The following MSRA variants were observed in gnomAD, a reference collection of about 807,000 sequenced individuals.
The protein encoded by MSRA is mitochondrial peptide methionine sulfoxide reductase.
MSRA carries 54 observed loss-of-function variants against 31.3 expected under a neutral mutation model. The observed-to-expected ratio is 1.73, with a 90% confidence interval of 1.39 to 2.17. The LOEUF (loss-of-function observed/expected upper bound fraction) is 2.17, where lower values mean the gene tolerates loss of function less well. Among genes scored for constraint, MSRA ranks in the 30% most tolerant of loss-of-function variants. The pLI is 0.00. For missense variants in MSRA, 507 were observed against 300.9 expected, an observed-to-expected ratio of 1.69 and a Z score of -5.07; for synonymous variants, 169 against 116.5, an observed-to-expected ratio of 1.45 and a Z score of -2.90.
At chr8:10,056,386 C>G (rs867643889) in intron 1 of MSRA, among the ~76,000 whole-genome samples, 2 of 152,002 alleles carry the variant, frequency 1.3e-5, no homozygotes, top group African/African-American at 4.8e-5. Flanking sequence ...AGAAATGAGC[C>G]AACAATTTTT....
At chr8:10,282,602 AC>A (rs1799680986) in intron 3 of MSRA, among the ~76,000 whole-genome samples, 1 of 152,180 alleles carries the variant, frequency 6.6e-6, no homozygotes, top group Non-Finnish European at 1.5e-5. Context: ...ATGCAAAGAT[AC>A]CATTACCTTC....
intron 5 of MSRA, among the ~76,000 whole-genome samples, chr8:10,371,120 T>C (rs1805450439): frequency 6.6e-6 from 1 of 152,194 alleles, no homozygotes; most frequent in Admixed American, 6.5e-5. Flanking sequence ...GAGCTCTCAG[T>C]GTCATGATAG....
At chr8:10,143,589 T>TC (rs1184985305) in intron 1 of MSRA, among the ~76,000 whole-genome samples, 6 of 152,168 alleles carry the variant, frequency 3.9e-5, no homozygotes, top group Non-Finnish European at 7.3e-5. Flanking sequence ...CCCGGGTCGC[T>TC]CCCTGTCATT....
intron 1 of MSRA, among the ~76,000 whole-genome samples, chr8:10,108,554 C>T (rs1234542804): frequency 6.6e-6 from 1 of 152,188 alleles, no homozygotes; most frequent in Non-Finnish European, 1.5e-5. Context: ...ACCCCATCCT[C>T]AGAAAGTTAA....
At chr8:10,068,220 A>G (rs1797559481) in intron 1 of MSRA, among the ~76,000 whole-genome samples, 1 of 151,768 alleles carries the variant, frequency 6.6e-6, no homozygotes, top group Non-Finnish European at 1.5e-5. Flanking sequence ...TATATTTTGG[A>G]TATCCTTTAT....
intron 1 of MSRA, among the ~76,000 whole-genome samples, chr8:10,199,929 G>A (rs984725705): frequency 6.6e-6 from 1 of 152,116 alleles, no homozygotes; most frequent in Admixed American, 6.6e-5. Context: ...GAGTGAACAT[G>A]AGCCAAAGGA....
intron 2 of MSRA, among the ~76,000 whole-genome samples, chr8:10,215,357 C>T (rs1184073169): frequency 6.6e-6 from 1 of 152,200 alleles, no homozygotes; most frequent in African/African-American, 2.4e-5. Context: ...GACAAGAAAA[C>T]TGTTTGCCAC....
rs980720740 is a variant in MSRA at position 10,054,390 on chromosome 8, C to A, written c.-127C>A. 2.2e-5 allele frequency: 14 copies of A among 641,024 alleles called. No homozygotes were observed. In the Admixed American group the frequency reaches 3.8e-4, roughly 17 times the overall value. 39.7% of individuals were successfully genotyped at this position (641,024 alleles called of 1,614,324 possible). ...CTCCAGCCCCGCCAGCAGCGCCCCGCGCCCGCCCGCCCGCGCCCCTGCCGC... is the reference window on the plus strand; with the variant it reads ...CTCCAGCCCCGCCAGCAGCGCCCCGAGCCCGCCCGCCCGCGCCCCTGCCGC... On this transcript the variant is annotated 5_prime_UTR_variant, in exon 1 of 6. Coordinates refer to ENST00000317173, the MANE Select transcript of MSRA (RefSeq NM_012331.5).
In MSRA at chr8:10,094,266, A is replaced by G. The variant is rs147162582; in HGVS notation, c.142+39608A>G. Among the ~76,000 whole-genome samples the G allele has an allele frequency of 4.0e-3, 606 of 152,286 alleles. 2 individuals carry two copies. Among genetic ancestry groups the G allele is most frequent in the Admixed American group, 9.1e-3 (139 of 15,278 alleles). On this transcript the variant is annotated intron_variant, in intron 1 of 5. Transcript: ENST00000317173. ...GTTATATTACTTAATAGAATTTCAG[A>G]TTGATATTTATGTGATCCGTTCCCA... is the stretch of plus-strand genomic sequence containing the variant.
intron 2 of MSRA, 118 bp downstream of exon 2, chr8:10,208,019 G>A: frequency 1.4e-6 from 1 of 703,726 alleles, no homozygotes; most frequent in South Asian, 2.2e-5. Context: ...ATATTTACAA[G>A]TTGTTACAGC....
intron 1 of MSRA, among the ~76,000 whole-genome samples, chr8:10,120,496 A>T (rs1801030012): frequency 6.6e-6 from 1 of 152,194 alleles, no homozygotes; most frequent in African/African-American, 2.4e-5. Flanking sequence ...GTCACTTCCA[A>T]AATACTAAGC....
intron 1 of MSRA, among the ~76,000 whole-genome samples, chr8:10,109,039 G>C (rs868622047): frequency 6.6e-6 from 1 of 152,196 alleles, no homozygotes; most frequent in Non-Finnish European, 1.5e-5. Context: ...AAGTTTTTCA[G>C]TTCAATTAGA....
intron 2 of MSRA, among the ~76,000 whole-genome samples, chr8:10,213,557 T>C (rs868070985): frequency 6.7e-6 from 1 of 150,256 alleles, no homozygotes; most frequent in Middle Eastern, 3.4e-3. Context: ...CTGCCTCAGC[T>C]TCCCGAGTAG....
chr8:10,057,630 G>A (rs775329674), intron 1 of MSRA, among the ~76,000 whole-genome samples: 2 of 151,898 alleles, frequency 1.3e-5, no homozygotes, highest in African/African-American at 4.8e-5. Flanking sequence ...TGAAACATGC[G>A]GGGGGTGGAC....
At chr8:10,205,196 G>A (rs1808847464) in intron 1 of MSRA, among the ~76,000 whole-genome samples, 1 of 152,178 alleles carries the variant, frequency 6.6e-6, no homozygotes, top group Non-Finnish European at 1.5e-5. Context: ...GCTACCTTGG[G>A]AAGAATGAAT....
intron 1 of MSRA, among the ~76,000 whole-genome samples, chr8:10,147,154 G>A (rs889980891): frequency 1.3e-5 from 2 of 152,220 alleles, no homozygotes; most frequent in African/African-American, 4.8e-5. Flanking sequence ...TGTGGCACGA[G>A]TGGGAGAGAG....
At chr8:10,419,780 C>A (rs969865363) in intron 5 of MSRA, among the ~76,000 whole-genome samples, 1 of 152,154 alleles carries the variant, frequency 6.6e-6, no homozygotes, top group South Asian at 2.1e-4. Flanking sequence ...AGCTCTCTTG[C>A]CATCAGGTGA....
intron 4 of MSRA, among the ~76,000 whole-genome samples, chr8:10,304,840 T>C (rs1341246144): frequency 6.6e-6 from 1 of 152,192 alleles, no homozygotes; most frequent in African/African-American, 2.4e-5. Context: ...AGCAGCAGGT[T>C]GGATTTGGTG....
intron 5 of MSRA, among the ~76,000 whole-genome samples, chr8:10,376,395 A>T (rs1053317385): frequency 6.6e-6 from 1 of 152,144 alleles, no homozygotes; most frequent in Admixed American, 6.5e-5. Flanking sequence ...GAAAATACCT[A>T]ATTAGAGGCA....
Sources: allele counts gnomAD v4.1 joint callset (sites outside exome capture counted in the v4.1 genomes callset), GRCh38; gene constraint gnomAD v4.1.1; transcripts MANE v1.5; gene names NCBI Gene and HGNC (gene_info 2026-07-23, HGNC 2026-07-21).